The following FREM1 variants were observed in gnomAD, a reference collection of about 807,000 sequenced individuals.
FREM1 encodes the protein FRAS1 related extracellular matrix 1.
A neutral mutation model predicts 210.1 loss-of-function variants in FREM1; 220 were observed. The observed-to-expected ratio is 1.05, with a 90% confidence interval of 0.94 to 1.17. The LOEUF is 1.17. Ranked by LOEUF, FREM1 falls within the 50% of genes most tolerant of loss-of-function variation. The pLI is 0.00. For synonymous variants in FREM1, 1,189 were observed against 980.2 expected, an observed-to-expected ratio of 1.21 and a Z score of -3.98; for missense variants, 3,454 against 2,675.5, an observed-to-expected ratio of 1.29 and a Z score of -6.42.
chr9:14,880,265 G>A (rs946099757), intron 1 of FREM1, among the ~76,000 whole-genome samples: 1 of 152,058 alleles, frequency 6.6e-6, no homozygotes, highest in Non-Finnish European at 1.5e-5. Context: ...GACTCAAACA[G>A]CAATATTTTT....
intron 7 of FREM1, among the ~76,000 whole-genome samples, chr9:14,847,114 G>A (rs1826787338): frequency 6.6e-6 from 1 of 152,074 alleles, no homozygotes; most frequent in African/African-American, 2.4e-5. Flanking sequence ...TTAAACACAG[G>A]AGATGGGAAA....
At chr9:14,847,400 A>AGGAGGAAGGAAGGAAG in intron 7 of FREM1, among the ~76,000 whole-genome samples, 1 of 34,872 alleles carries the variant, frequency 2.9e-5, no homozygotes, top group African/African-American at 9.5e-5. Flanking sequence ...AGAGAGAAAA[A>AGGAGGAAGGAAGGAAG]GAAGGAAGGA....
At chr9:14,794,056 AT>A (rs1353645999) in intron 21 of FREM1, among the ~76,000 whole-genome samples, 1 of 152,212 alleles carries the variant, frequency 6.6e-6, no homozygotes, top group Non-Finnish European at 1.5e-5. Flanking sequence ...AGAATTCAGA[AT>A]TAAATTTCTG....
At chr9:14,804,642 C>T (rs183652405) in intron 19 of FREM1, among the ~76,000 whole-genome samples, 74 of 152,138 alleles carry the variant, frequency 4.9e-4, no homozygotes, top group African/African-American at 1.8e-3. Flanking sequence ...GGGACAACTT[C>T]CCAGTGGTAT....
In FREM1 at chr9:14,775,809, G is replaced by A. The variant is rs373505699; in HGVS notation, c.4837C>T (p.Pro1613Ser). The A allele has an allele frequency of 9.3e-6, 15 of 1,612,344 alleles. No individual in the cohort carries two copies. The highest frequency in any genetic ancestry group is 1.3e-5 in the Non-Finnish European group (15 of 1,178,930). ...CTTGCCTGAATGGTGAATAAAACAG[G>A]TTCTTCCCACACTCTCCCATTCACA... ...FIVNGRVWEE[P>S]VLFTIQVDQL... The change falls in exon 25 of 37, where the codon CCT (proline) becomes TCT (serine). Residue 1613 changes from proline to serine, a missense_variant. By Grantham distance (74) the Pro-to-Ser change is moderately conservative (BLOSUM62 -1). Coordinates refer to ENST00000380880, the MANE Select transcript of FREM1 (RefSeq NM_001379081.2).
chr9:14,806,853 A>G lies in FREM1; in HGVS notation c.3089-7T>C. 6.4e-7 allele frequency: 1 copy of G among 1,553,116 alleles called. No homozygotes were observed. Among genetic ancestry groups the G allele is most frequent in the Non-Finnish European group, 8.8e-7 (1 of 1,138,410 alleles). The stretch of plus-strand genomic sequence containing the variant: ...TCTACAACAAACACGGGACCTGCAT[A>G]CAAATAAAAACACAATTACAACTTA... On this transcript the variant is annotated splice_polypyrimidine_tract_variant and splice_region_variant and intron_variant, in intron 17 of 36. Coordinates refer to ENST00000380880, the MANE Select transcript of FREM1 (RefSeq NM_001379081.2).
chr9:14,839,209 GA>G (rs1387350523), intron 10 of FREM1, among the ~76,000 whole-genome samples: 5 of 152,298 alleles, frequency 3.3e-5, no homozygotes, highest in African/African-American at 9.6e-5. Context: ...AGATAGATCA[GA>G]AAAACTCGTC....
Position 14,792,303 on chromosome 9 carries a change from CAGAG to C in FREM1, c.3981+436_3981+439del, listed in dbSNP as rs150406422. On this transcript the variant is annotated intron_variant, in intron 22 of 36. Transcript: ENST00000380880. ...ACACACACACACACACACACACACA[CAGAG>C]AGAGAGAGAGATTGAGAGAACAAGA... 8.5e-3 allele frequency among the ~76,000 whole-genome samples: 1,173 copies of C among 137,738 alleles called. 9 individuals carry two copies. The highest frequency in any genetic ancestry group is 0.022 in the African/African-American group (832 of 38,556). The allele number at this position is 137,738 out of a possible 152,430, so 90.4% of individuals were successfully genotyped here. A position where few individuals can be genotyped will look rare whatever the true frequency, so the allele number is the denominator to read the frequency against.
chr9:14,841,250 T>C (rs1035030855), intron 10 of FREM1, among the ~76,000 whole-genome samples, 197 bp downstream of exon 10: 1 of 152,234 alleles, frequency 6.6e-6, no homozygotes, highest in East Asian at 1.9e-4. Flanking sequence ...ACTGAATACA[T>C]AGATATCTAT....
chr9:14,868,083 C>G (rs1453859755), intron 2 of FREM1, among the ~76,000 whole-genome samples: 9 of 152,268 alleles, frequency 5.9e-5, no homozygotes, highest in South Asian at 4.2e-4. Context: ...ATCTTCACAT[C>G]TCTTTTCTAC....
At chr9:14,805,303 T>C (rs1201561137) in intron 18 of FREM1, among the ~76,000 whole-genome samples, 151 bp from the exon 19 acceptor site, 1 of 152,234 alleles carries the variant, frequency 6.6e-6, no homozygotes, top group African/African-American at 2.4e-5. Flanking sequence ...CAAGGGCTGC[T>C]ACAACAGCCA....
intron 22 of FREM1, 112 bp downstream of exon 22, chr9:14,792,631 C>G (rs1459620405): frequency 1.2e-6 from 1 of 809,138 alleles, no homozygotes; most frequent in African/African-American, 1.8e-5. Flanking sequence ...TTTTCTACTT[C>G]TAGGCAAATA....
intron 1 of FREM1, among the ~76,000 whole-genome samples, chr9:14,901,984 G>A (rs982794866): frequency 2.6e-5 from 4 of 151,758 alleles, no homozygotes; most frequent in African/African-American, 9.7e-5. Flanking sequence ...TGAGTAGCTG[G>A]GACTACAGGC....
Position 14,781,631 on chromosome 9 carries a change from C to T in FREM1, c.4442+2739G>A, listed in dbSNP as rs146438554. 5.1e-3 allele frequency among the ~76,000 whole-genome samples: 778 copies of T among 152,334 alleles called. 7 individuals carry two copies. The highest frequency in any genetic ancestry group is 8.2e-3 in the Non-Finnish European group (555 of 68,024). ...CACACACACTCACACACAACACACACACCTAAGTTCCATCAGTACATTGGG... is the reference window on the plus strand; with the variant it reads ...CACACACACTCACACACAACACACATACCTAAGTTCCATCAGTACATTGGG... On this transcript the variant is annotated intron_variant, in intron 24 of 36. Transcript: ENST00000380880.
At chr9:14,862,445 G>A (rs892794375) in intron 3 of FREM1, among the ~76,000 whole-genome samples, 7 of 152,148 alleles carry the variant, frequency 4.6e-5, no homozygotes, top group African/African-American at 1.7e-4. Flanking sequence ...AGTTCTCAGT[G>A]ACTTTTATGA....
intron 21 of FREM1, among the ~76,000 whole-genome samples, chr9:14,795,835 G>C (rs1017091450): frequency 3.9e-5 from 6 of 152,252 alleles, no homozygotes; most frequent in Admixed American, 1.3e-4. Context: ...CCTATAGTAA[G>C]CACTTAATAA....
chr9:14,900,392 G>C (rs1324939976), intron 1 of FREM1, among the ~76,000 whole-genome samples: 4 of 152,198 alleles, frequency 2.6e-5, no homozygotes, highest in Non-Finnish European at 5.9e-5. Context: ...TATGACAAGA[G>C]GTAAAAGGAG....
In FREM1 at chr9:14,861,048, T is replaced by TATATACATATATACATATATACAC. The variant is rs1564105102; in HGVS notation, c.330-1565_330-1564insGTGTATATATGTATATATGTATAT. ...ATATATACATATATACATATATACATATATACATATATACACATATACATA... is the reference window on the plus strand; with the variant it reads ...ATATATACATATATACATATATACATATATACATATATACATATATACACATATACATATATACACATATACATA... On this transcript the variant is annotated intron_variant, in intron 3 of 36. Coordinates refer to ENST00000380880, the MANE Select transcript of FREM1 (RefSeq NM_001379081.2). 2.7e-4 allele frequency among the ~76,000 whole-genome samples: 20 copies of TATATACATATATACATATATACAC among 75,192 alleles called. 4 individuals are homozygous for TATATACATATATACATATATACAC. Among genetic ancestry groups the TATATACATATATACATATATACAC allele is most frequent in the Non-Finnish European group, 3.9e-4 (17 of 43,694 alleles). The allele number at this position is 75,192 out of a possible 152,430, so 49.3% of individuals were successfully genotyped here.
intron 1 of FREM1, among the ~76,000 whole-genome samples, chr9:14,878,258 T>C (rs955619577): frequency 1.3e-5 from 2 of 152,160 alleles, no homozygotes; most frequent in African/African-American, 4.8e-5. Context: ...TTGTCTTCCC[T>C]TTGCTGACCC....
Sources: gnomAD v4.1 joint callset for allele counts (sites outside exome capture counted in the v4.1 genomes callset) on GRCh38, gnomAD v4.1.1 for gene constraint, MANE v1.5 for transcripts, NCBI Gene and HGNC (gene_info 2026-07-23, HGNC 2026-07-21) for gene names.